Variants in STAG3 observed in about 807,000 individuals in gnomAD.
The protein encoded by STAG3 is cohesin subunit SA-3.
STAG3 carries 101 observed loss-of-function variants against 160.7 expected under a neutral mutation model. The observed-to-expected ratio is 0.63, with a 90% CI of 0.54 to 0.74. The LOEUF is 0.74. STAG3 is among the 30% of genes least tolerant of loss of function. The pLI is 0.00. For missense variants in STAG3, 1,188 were observed against 1,517.4 expected, an observed-to-expected ratio of 0.78 and a Z score of 3.61; for synonymous variants, 519 against 585.0, an observed-to-expected ratio of 0.89 and a Z score of 1.63.
downstream of STAG3, among the ~76,000 whole-genome samples, chr7:100,217,500 T>G (rs1396927298): frequency 6.7e-6 from 1 of 148,892 alleles, no homozygotes; most frequent in African/African-American, 2.5e-5. Context: ...TGTGCGGAGA[T>G]GAGAGATGGT....
At position 100,211,723 on chromosome 7, in the gene STAG3, C is replaced by T. The variant is rs530836331; in HGVS notation, c.3519-72C>T. ...TTACTGCTCCCCACTTCCCCCACCC[C>T]GGGTGTCTGAGAAACTCTCAGGGGT... On this transcript the variant is annotated intron_variant, in intron 31 of 33. Coordinates refer to ENST00000615138, the MANE Select transcript of STAG3 (RefSeq NM_001282717.2). 2.8e-5 allele frequency: 43 copies of T among 1,542,782 alleles called. No individual in the cohort carries two copies. In the Middle Eastern group the frequency reaches 5.2e-4, roughly 19 times the overall value.
At chr7:100,177,804 T>G (rs1280821544), upstream of STAG3, 1 of 152,382 alleles carries the variant, frequency 6.6e-6, no homozygotes, top group African/African-American at 2.4e-5. Flanking sequence ...TGGAGCGGCG[T>G]GACTCAAACG....
intron 1 of STAG3, among the ~76,000 whole-genome samples, chr7:100,178,546 A>C (rs1799422701): frequency 6.7e-6 from 1 of 149,192 alleles, no homozygotes; most frequent in Non-Finnish European, 1.5e-5. Flanking sequence ...GGTGCGTCTG[A>C]AGCTGCCCTG....
At chr7:100,205,572 C>T (rs1163152719) in intron 29 of STAG3, among the ~76,000 whole-genome samples, 188 bp downstream of exon 29, 1 of 152,178 alleles carries the variant, frequency 6.6e-6, no homozygotes, top group East Asian at 1.9e-4. Context: ...TGGCTCATGC[C>T]TGCAATCCCA....
chr7:100,217,111 G>GT (rs1378049368), downstream of STAG3, among the ~76,000 whole-genome samples: 1 of 152,166 alleles, frequency 6.6e-6, no homozygotes, highest in Non-Finnish European at 1.5e-5. Flanking sequence ...GACTTACAAT[G>GT]TTTTTATCTA....
At chr7:100,209,462 G>T (rs180725473) in intron 29 of STAG3, among the ~76,000 whole-genome samples, 2 of 152,274 alleles carry the variant, frequency 1.3e-5, no homozygotes, top group East Asian at 3.9e-4. Context: ...ACCAAAGAGG[G>T]TACAGGATCC....
In STAG3 at chr7:100,214,161, T is replaced by G; in HGVS notation, c.*146T>G. 8.6e-7 allele frequency: 1 copy of G among 1,163,238 alleles called. No individual in the cohort carries two copies. Among genetic ancestry groups the G allele is most frequent in the South Asian group, 1.4e-5 (1 of 72,858 alleles). The allele number at this position is 1,163,238 out of a possible 1,614,324, so 72.1% of individuals were successfully genotyped here. Reference sequence around the variant, plus strand: ...GGGAAAGAGTTGGGCATTGTTTTTCTAACCTAACCTTTCCCTCTGGGGTAG... The same window carrying G: ...GGGAAAGAGTTGGGCATTGTTTTTCGAACCTAACCTTTCCCTCTGGGGTAG... On this transcript the variant is annotated 3_prime_UTR_variant, in exon 34 of 34. Transcript: ENST00000615138.
intron 29 of STAG3, among the ~76,000 whole-genome samples, chr7:100,209,635 G>C (rs919277574): frequency 6.6e-6 from 1 of 152,226 alleles, no homozygotes; most frequent in African/African-American, 2.4e-5. Flanking sequence ...TGGGAGACCA[G>C]CAGGGAGGTT....
In STAG3 at chr7:100,204,997, C is replaced by G; in HGVS notation, c.2952-8C>G. ...ACTTTCTTCCTAAAATAATTCTGCC[C>G]AACCAAGGGAAGGCATCCAGTTCTC... On this transcript the variant is annotated splice_polypyrimidine_tract_variant and splice_region_variant and intron_variant, in intron 27 of 33. Coordinates refer to ENST00000615138, the MANE Select transcript of STAG3 (RefSeq NM_001282717.2). 1 of 1,612,510 alleles carries G rather than the reference C, an allele frequency of 6.2e-7. No homozygotes were observed. Among genetic ancestry groups the G allele is most frequent in the African/African-American group, 1.3e-5 (1 of 74,934 alleles).
chr7:100,183,908 A>G (rs532630691), intron 4 of STAG3, among the ~76,000 whole-genome samples: 13 of 152,352 alleles, frequency 8.5e-5, no homozygotes, highest in African/African-American at 3.1e-4. Context: ...GAATTTTGCT[A>G]GTTATATTTT....
intron 4 of STAG3, among the ~76,000 whole-genome samples, chr7:100,184,841 A>G (rs1408128125): frequency 6.6e-6 from 1 of 151,960 alleles, no homozygotes; most frequent in African/African-American, 2.4e-5. Context: ...TTTATAATCT[A>G]TGATAAATTA....
rs779973436 is a variant in STAG3, at chr7:100,189,543, C to T, written c.814C>T (p.Pro272Ser). 1 of 1,614,122 alleles carries T rather than the reference C, an allele frequency of 6.2e-7. No homozygotes were observed. The highest frequency in any genetic ancestry group is 2.2e-5 in the East Asian group (1 of 44,882). ...GTATGAGGCTGAAAGAAACAAGGGGCCAGGGCAGAGGGCACCTGAGCGGCT... is the reference window on the plus strand; with the variant it reads ...GTATGAGGCTGAAAGAAACAAGGGGTCAGGGCAGAGGGCACCTGAGCGGCT... ...RQYEAERNKG[P>S]GQRAPERLES... Residue 272 changes from proline to serine, a missense_variant, in exon 8 of 34, where the codon CCA becomes TCA. Pro to Ser is a moderately conservative substitution (Grantham distance 74). Coordinates refer to ENST00000615138, the MANE Select transcript of STAG3 (RefSeq NM_001282717.2).
chr7:100,206,192 A>G (rs1801639892), intron 29 of STAG3, among the ~76,000 whole-genome samples: 1 of 151,046 alleles, frequency 6.6e-6, no homozygotes, highest in Admixed American at 6.6e-5. Flanking sequence ...TTTTTTTTGA[A>G]TTTTTGGTAG....
At chr7:100,182,005 A>T (rs1162684957) in intron 2 of STAG3, 85 bp from the exon 3 acceptor site, 1 of 908,540 alleles carries the variant, frequency 1.1e-6, no homozygotes. Context: ...GGGTGCGGTG[A>T]GAGACAGAGA....
chr7:100,217,616 C>T (rs537382057), downstream of STAG3, among the ~76,000 whole-genome samples: 1 of 152,090 alleles, frequency 6.6e-6, no homozygotes, highest in East Asian at 1.9e-4. Flanking sequence ...TGCCTGACCG[C>T]GCTGCTATTT....
chr7:100,191,743 A>G (rs1261287985), intron 8 of STAG3, among the ~76,000 whole-genome samples: 1 of 152,210 alleles, frequency 6.6e-6, no homozygotes, highest in Non-Finnish European at 1.5e-5. Flanking sequence ...AAATAAGACA[A>G]CAGTGAAGTT....
At chr7:100,180,699 A>C in intron 2 of STAG3, 27 bp downstream of exon 2, 1 of 1,375,118 alleles carries the variant, frequency 7.3e-7, no homozygotes. Context: ...TTGTGTGGCC[A>C]CTTCCTGTGT....
intron 14 of STAG3, 25 bp downstream of exon 14, chr7:100,198,982 G>T: frequency 6.2e-7 from 1 of 1,605,288 alleles, no homozygotes; most frequent in South Asian, 1.1e-5. Context: ...GAGAAGTCTG[G>T]CTGTTGTGCA....
chr7:100,202,799 A>G (rs1801260620), intron 25 of STAG3, among the ~76,000 whole-genome samples: 1 of 152,234 alleles, frequency 6.6e-6, no homozygotes, highest in South Asian at 2.1e-4. Flanking sequence ...CTGTGAAGAA[A>G]TTCACTGGAG....
Sources: allele counts gnomAD v4.1 joint callset (sites outside exome capture counted in the v4.1 genomes callset), GRCh38; gene constraint gnomAD v4.1.1; transcripts MANE v1.5; gene names NCBI Gene and HGNC (gene_info 2026-07-23, HGNC 2026-07-21).